Variants in SCARF1 observed in about 807,000 individuals in gnomAD.
The protein encoded by SCARF1 is scavenger receptor class F member 1.
Under a neutral mutation model 76.3 loss-of-function variants are expected in SCARF1, and 49 were observed. That is an observed-to-expected ratio of 0.64 (90% CI 0.51 to 0.81). SCARF1 has a LOEUF of 0.81. SCARF1 is among the 40% of genes least tolerant of loss of function. SCARF1 has a pLI of 0.00. For missense variants in SCARF1, 1,098 were observed against 1,143.9 expected (o/e 0.96, Z 0.58); for synonymous variants, 495 against 474.6 (o/e 1.04, Z -0.56).
At position 1,644,924 on chromosome 17, in the gene SCARF1, C is replaced by T. The variant is rs377027393; in HGVS notation, c.175G>A (p.Gly59Arg). 1.2e-6 allele frequency: 2 copies of T among 1,613,130 alleles called. No individual in the cohort carries two copies. Among genetic ancestry groups the T allele is most frequent in the Non-Finnish European group, 1.7e-6 (2 of 1,179,854 alleles). Reference sequence around the variant, plus strand: ...TCGTCTTTCTGGCAGGCGTCCGGCCCCTCACAGATGGCTGAAAGACACCCC... The same window carrying T: ...TCGTCTTTCTGGCAGGCGTCCGGCCTCTCACAGATGGCTGAAAGACACCCC... ...DQECTIPICE[G>R]PDACQKDEVC... The change falls in exon 3 of 11, where the codon GGG becomes AGG. Residue 59 changes from glycine to arginine, a missense_variant. By Grantham distance (125) the Gly-to-Arg change is moderately radical (BLOSUM62 -2). Transcript: ENST00000263071. This position sits in a 1 kb window ranked among gnomAD's most constrained non-coding sequence, Gnocchi z 4.8.
chr17:1,637,380 A>G (rs1272620571), intron 8 of SCARF1, among the ~76,000 whole-genome samples: 1 of 151,284 alleles, frequency 6.6e-6, no homozygotes, highest in Non-Finnish European at 1.5e-5. Context: ...ATATCTATCC[A>G]TCTATCTATC....
intron 4 of SCARF1, among the ~76,000 whole-genome samples, chr17:1,642,437 TG>T: frequency 6.6e-6 from 1 of 150,820 alleles, no homozygotes; most frequent in African/African-American, 2.4e-5. Flanking sequence ...ATGCGGTGTT[TG>T]GTTTTTTGTT....
intron 7 of SCARF1, 45 bp downstream of exon 7, chr17:1,639,594 C>CGCCTTTCCCTGGCTACTGCACCCCG (rs1393968418): frequency 7.1e-7 from 1 of 1,415,650 alleles, no homozygotes; most frequent in East Asian, 2.5e-5. Flanking sequence ...GTGAAGGGCC[C>CGCCTTTCCCTGGCTACTGCACCCCG]GCCTTTCCCT....
At chr17:1,642,684 C>G (rs1910148963) in intron 4 of SCARF1, among the ~76,000 whole-genome samples, 1 of 152,102 alleles carries the variant, frequency 6.6e-6, no homozygotes, top group Non-Finnish European at 1.5e-5. Flanking sequence ...GAGGCTGGAC[C>G]TGGGGCAACA....
In SCARF1 at chr17:1,638,889, G is replaced by A; in HGVS notation, c.1281C>T (p.Ser427=). The change falls in exon 8 of 11, where the codon AGC becomes AGT. Residue 427 remains serine (S), a synonymous_variant. Transcript: ENST00000263071. ...GSRDTALIAG[S]LVPLLLLFLG... ...GGAAGAGCAGCAGCAGAGGCACAAG[G>A]CTGCCCGCGATGAGGGCAGTGTCCC... 1 of 1,610,254 alleles carries A rather than the reference G, an allele frequency of 6.2e-7. No individual in the cohort carries two copies. Among genetic ancestry groups the A allele is most frequent in the Non-Finnish European group, 8.5e-7 (1 of 1,177,892 alleles).
In SCARF1 at chr17:1,634,661, A is replaced by G. The variant is rs1909362846; in HGVS notation, c.*97T>C. 5 of 1,457,356 alleles carry G rather than the reference A, an allele frequency of 3.4e-6. No individual in the cohort carries two copies. Among genetic ancestry groups the G allele is most frequent in the Non-Finnish European group, 4.6e-6 (5 of 1,095,996 alleles). 90.3% of individuals were successfully genotyped at this position (1,457,356 alleles called of 1,614,324 possible). A position where few individuals can be genotyped will look rare whatever the true frequency, so the allele number is the denominator to read the frequency against. On this transcript the variant is annotated 3_prime_UTR_variant, in exon 11 of 11. Transcript: ENST00000263071. ...CCTTGCCTTTTCCCTGTGGAGGCGC[A>G]GAGGCTCTGGTTTGTCTGTCCTGGC... is the stretch of plus-strand genomic sequence containing the variant.
Position 1,644,216 on chromosome 17 carries a change from C to G in SCARF1, c.266-249G>C, listed in dbSNP as rs1910334142. The stretch of plus-strand genomic sequence containing the variant: ...CACATTCCAGAACACACTCAGAGAT[C>G]CTGAGTGGGCAGGGGACTTGCCCAG... On this transcript the variant is annotated intron_variant, in intron 3 of 10. Coordinates refer to ENST00000263071, the MANE Select transcript of SCARF1 (RefSeq NM_003693.4). The surrounding 1 kb of genome is among the most constrained non-coding windows in gnomAD (Gnocchi z 4.8). The G allele has an allele frequency of 2.6e-6, 1 of 389,080 alleles. No homozygotes were observed. The highest frequency in any genetic ancestry group is 1.2e-4 in the South Asian group (1 of 8,234). The allele number at this position is 389,080 out of a possible 1,614,324, so 24.1% of individuals were successfully genotyped here. A position where few individuals can be genotyped will look rare whatever the true frequency, so the allele number is the denominator to read the frequency against.
rs1321753388 is a variant in SCARF1 at position 1,635,026 on chromosome 17, C to A, written c.2225G>T (p.Ser742Ile). 1.9e-6 allele frequency: 3 copies of A among 1,613,800 alleles called. No homozygotes were observed. Among genetic ancestry groups the A allele is most frequent in the Non-Finnish European group, 2.5e-6 (3 of 1,179,914 alleles). ...GACAGAGCCAGAGGCAAGGCCAGGG[C>A]TGCCCTTTTTCCGATTCAGGGCCTG... is the stretch of plus-strand genomic sequence containing the variant. The part of the protein sequence containing the change: ...PRQALNRKKG[S>I]PGLASGSVGQ... Residue 742 changes from serine to isoleucine, a missense_variant, in exon 11 of 11, where the codon AGC becomes ATC. Coordinates refer to ENST00000263071, the MANE Select transcript of SCARF1 (RefSeq NM_003693.4).
Position 1,643,983 on chromosome 17 carries a change from CG to C in SCARF1, c.266-17del. On this transcript the variant is annotated splice_polypyrimidine_tract_variant and intron_variant, in intron 3 of 10. Transcript: ENST00000263071. ...CCCGGGCAGCCTGCGGGGGTGGGGA[CG>C]GGAGGGGTCAGCGGGCTCAGGGCCG... The C allele has an allele frequency of 8.6e-7, 1 of 1,162,624 alleles. No homozygotes were observed. The highest frequency in any genetic ancestry group is 2.2e-5 in the South Asian group (1 of 44,578). The allele number at this position is 1,162,624 out of a possible 1,614,324, so 72.0% of individuals were successfully genotyped here.
At chr17:1,636,670 A>C (rs754391193) in intron 10 of SCARF1, 39 bp downstream of exon 10, 10 of 1,602,788 alleles carry the variant, frequency 6.2e-6, no homozygotes, top group African/African-American at 1.3e-5. Context: ...CGTGGTGGGC[A>C]GGGCTGCTCA....
At position 1,644,579 on chromosome 17, in the gene SCARF1, GTTTTC is replaced by G. The variant is rs1179521965; in HGVS notation, c.265+250_265+254del. 1.7e-6 allele frequency: 1 copy of G among 590,214 alleles called. No individual in the cohort carries two copies. The allele number at this position is 590,214 out of a possible 1,614,324, so 36.6% of individuals were successfully genotyped here. A position where few individuals can be genotyped will look rare whatever the true frequency, so the allele number is the denominator to read the frequency against. ...ATTTTACAATGAAGGGGAATCACAG[GTTTTC>G]TGAGAAGTGGAAGAGGAAGATGCTC... On this transcript the variant is annotated intron_variant, in intron 3 of 10. Transcript: ENST00000263071. This position sits in a 1 kb window ranked among gnomAD's most constrained non-coding sequence, Gnocchi z 4.8.
chr17:1,634,746 A>G lies in SCARF1; in HGVS notation c.*12T>C, dbSNP rs778008728. ...GTCCATCCACTCTCCCCACTCCCCA[A>G]ATTCAAGGTCATCAGGGTTCTGGTG... is the stretch of plus-strand genomic sequence containing the variant. On this transcript the variant is annotated 3_prime_UTR_variant, in exon 11 of 11. Transcript: ENST00000263071. The G allele has an allele frequency of 3.2e-6, 5 of 1,571,852 alleles. No homozygotes were observed. Among genetic ancestry groups the G allele is most frequent in the East Asian group, 2.3e-5 (1 of 44,302 alleles).
chr17:1,645,438 A>C lies in SCARF1; in HGVS notation c.101+159T>G. The C allele has an allele frequency of 6.7e-7, 1 of 1,495,272 alleles. No individual in the cohort carries two copies. 92.6% of individuals were successfully genotyped at this position (1,495,272 alleles called of 1,614,324 possible). On this transcript the variant is annotated intron_variant, in intron 1 of 10. Coordinates refer to ENST00000263071, the MANE Select transcript of SCARF1 (RefSeq NM_003693.4). The surrounding 1 kb of genome is among the most constrained non-coding windows in gnomAD (Gnocchi z 6.3). ...CCACCATCTGCCCTGGCTGGCCACT[A>C]CCTGCCAGACCGCCATCAGCAGTCC...
At chr17:1,639,772 G>A in intron 6 of SCARF1, 30 bp from the exon 7 acceptor site, 1 of 1,607,352 alleles carries the variant, frequency 6.2e-7, no homozygotes, top group East Asian at 2.2e-5. Context: ...GGCAGGCTGA[G>A]GGCTGGGTGA....
At position 1,643,522 on chromosome 17, in the gene SCARF1, G is replaced by A; in HGVS notation, c.711C>T (p.Cys237=). ...CTCCGCGGAAGCCGGGCGGGCAGGT[G>A]CACTCGCCGGAGGCGGCGCTGCAGC... is the stretch of plus-strand genomic sequence containing the variant. The part of the protein sequence containing the change: ...RGRCSAASGE[C]TCPPGFRGAR... The change falls in exon 4 of 11, where the codon TGC becomes TGT. Residue 237 remains cysteine, a synonymous_variant. Coordinates refer to ENST00000263071, the MANE Select transcript of SCARF1 (RefSeq NM_003693.4). 2 of 1,391,760 alleles carry A rather than the reference G, an allele frequency of 1.4e-6. No individual in the cohort carries two copies. The allele number at this position is 1,391,760 out of a possible 1,614,324, so 86.2% of individuals were successfully genotyped here.
In SCARF1 at chr17:1,643,815, G is replaced by A; in HGVS notation, c.418C>T (p.Arg140Cys). The A allele has an allele frequency of 1.6e-6, 2 of 1,267,480 alleles. No homozygotes were observed. The highest frequency in any genetic ancestry group is 2.9e-5 in the South Asian group (1 of 34,280). The allele number at this position is 1,267,480 out of a possible 1,614,324, so 78.5% of individuals were successfully genotyped here. ...CACACGCCGGTCGCGGGGTCGCAGC[G>A]CCCGTGGGGGCCGCAGGCGCACGGG... ...EFPCACGPHG[R>C]CDPATGVCHC... The change falls in exon 4 of 11, where the codon CGC (arginine) becomes TGC (cysteine). Residue 140 changes from arginine to cysteine, a missense_variant. By Grantham distance (180) the Arg-to-Cys change is radical (BLOSUM62 -3). Transcript: ENST00000263071.
In SCARF1 at chr17:1,643,958, C is replaced by A; in HGVS notation, c.275G>T (p.Gly92Val). 1 of 1,335,630 alleles carries A rather than the reference C, an allele frequency of 7.5e-7. No homozygotes were observed. Among genetic ancestry groups the A allele is most frequent in the South Asian group, 1.9e-5 (1 of 52,462 alleles). 82.7% of individuals were successfully genotyped at this position (1,335,630 alleles called of 1,614,324 possible). Residue 92 changes from glycine to valine, a missense_variant, in exon 4 of 11, where the codon GGC (glycine) becomes GTC (valine). Coordinates refer to ENST00000263071, the MANE Select transcript of SCARF1 (RefSeq NM_003693.4). ...ACGGCAGTCGGGGCCCCAGTACTGG[C>A]CCGGGCAGCCTGCGGGGGTGGGGAC... ...FGAHCSSRCP[G>V]QYWGPDCRES...
intron 10 of SCARF1, among the ~76,000 whole-genome samples, chr17:1,636,297 T>C (rs1442075224): frequency 6.6e-6 from 1 of 152,232 alleles, no homozygotes; most frequent in East Asian, 1.9e-4. Flanking sequence ...ATCTCTTGCA[T>C]GCCCGGAGCC....
chr17:1,636,279 G>A (rs1909549331), intron 10 of SCARF1, among the ~76,000 whole-genome samples: 1 of 152,214 alleles, frequency 6.6e-6, no homozygotes, highest in Admixed American at 6.5e-5. Flanking sequence ...ATAGGAATCT[G>A]TCTTGTTATC....
Sources: allele counts gnomAD v4.1 joint callset (sites outside exome capture counted in the v4.1 genomes callset), GRCh38; gene constraint gnomAD v4.1.1; non-coding constraint Gnocchi (gnomAD v3.1); transcripts MANE v1.5; gene names NCBI Gene and HGNC (gene_info 2026-07-23, HGNC 2026-07-21).